Variants in CNST observed in about 807,000 individuals in gnomAD.
The protein encoded by CNST is consortin, connexin sorting protein.
CNST carries 39 observed loss-of-function variants against 72.4 expected under a neutral mutation model. The ratio of observed to expected loss-of-function variants is 0.54; its 90% CI spans 0.42 to 0.70. The LOEUF (loss-of-function observed/expected upper bound fraction) is 0.70, where lower values mean the gene tolerates loss of function less well. Among genes scored for constraint, CNST ranks in the 30% least tolerant of loss-of-function variants. CNST has a pLI of 0.00. For missense variants in CNST, 871 were observed against 868.5 expected (o/e 1.00, Z -0.04); for synonymous variants, 332 against 320.1 (o/e 1.04, Z -0.40).
chr1:246,652,596 G>A (rs1666510345), intron 9 of CNST, among the ~76,000 whole-genome samples: 1 of 152,088 alleles, frequency 6.6e-6, no homozygotes, highest in African/African-American at 2.4e-5. Flanking sequence ...AATGTCATAT[G>A]TTCAGAAAAA....
chr1:246,625,985 G>T (rs1328276389), intron 3 of CNST, among the ~76,000 whole-genome samples: 1 of 151,976 alleles, frequency 6.6e-6, no homozygotes, highest in Non-Finnish European at 1.5e-5. Context: ...ATTTGCCTTT[G>T]GGAGCTCTTT....
At chr1:246,613,478 T>C (rs1663467142) in intron 2 of CNST, among the ~76,000 whole-genome samples, 1 of 151,840 alleles carries the variant, frequency 6.6e-6, no homozygotes, top group East Asian at 1.9e-4. Context: ...TTCTCTCAGA[T>C]TTTTAATTTG....
rs565935834 is a variant in CNST, at chr1:246,583,916, T to C, written c.-51-7596T>C. 3.9e-5 allele frequency among the ~76,000 whole-genome samples: 6 copies of C among 152,224 alleles called. No individual in the cohort carries two copies. In the South Asian group the frequency reaches 1.2e-3, roughly 32 times the overall value. On this transcript the variant is annotated intron_variant, in intron 1 of 10. Transcript: ENST00000366513. The stretch of plus-strand genomic sequence containing the variant: ...AGACAATGAGGATGGCAGAAGAAAA[T>C]ATATGTGAATTTGCCTGTAACTGTA...
intron 8 of CNST, among the ~76,000 whole-genome samples, chr1:246,644,027 C>T (rs1482036921): frequency 6.6e-6 from 1 of 152,164 alleles, no homozygotes; most frequent in Non-Finnish European, 1.5e-5. Context: ...GGCATAGCTG[C>T]TGTCCATCAC....
At chr1:246,648,194 T>G in intron 9 of CNST, 157 bp downstream of exon 9, 1 of 1,411,348 alleles carries the variant, frequency 7.1e-7, no homozygotes, top group African/African-American at 1.4e-5. Flanking sequence ...GTTTTTACAT[T>G]TGTATGTATT....
intron 1 of CNST, among the ~76,000 whole-genome samples, chr1:246,572,776 T>C (rs146345647): frequency 5.9e-5 from 9 of 152,268 alleles, no homozygotes; most frequent in African/African-American, 1.9e-4. Context: ...TTGCCTAGGG[T>C]GGTCTTGAAC....
chr1:246,577,971 G>A, intron 1 of CNST, among the ~76,000 whole-genome samples: 1 of 151,094 alleles, frequency 6.6e-6, no homozygotes. Context: ...AATACTTGTG[G>A]TTTTTTTGTT....
chr1:246,664,869 T>G (rs1667323585), intron 10 of CNST, among the ~76,000 whole-genome samples: 1 of 152,240 alleles, frequency 6.6e-6, no homozygotes, highest in African/African-American at 2.4e-5. Flanking sequence ...TTGGTCTTTT[T>G]GAAATTAAAA....
intron 1 of CNST, among the ~76,000 whole-genome samples, chr1:246,582,968 G>A (rs1018614066): frequency 4.6e-5 from 7 of 152,202 alleles, no homozygotes; most frequent in South Asian, 2.1e-4. Flanking sequence ...TCTGAGAAAC[G>A]CAGGGACCTC....
chr1:246,639,236 G>T (rs1010097288), intron 6 of CNST, among the ~76,000 whole-genome samples: 11 of 152,112 alleles, frequency 7.2e-5, no homozygotes, highest in African/African-American at 2.7e-4. Context: ...GTGAGAACGG[G>T]GGCTGAGATG....
At chr1:246,600,581 GA>G (rs560777126) in intron 2 of CNST, among the ~76,000 whole-genome samples, 2 of 152,026 alleles carry the variant, frequency 1.3e-5, no homozygotes, top group South Asian at 4.1e-4. Context: ...AATTAGATAT[GA>G]AAAAAAGAGT....
intron 9 of CNST, among the ~76,000 whole-genome samples, chr1:246,659,342 C>CACA (rs1666941720): frequency 6.6e-6 from 1 of 152,192 alleles, no homozygotes; most frequent in African/African-American, 2.4e-5. Context: ...CACCTGTAAT[C>CACA]CCAGCACTTT....
intron 2 of CNST, among the ~76,000 whole-genome samples, chr1:246,615,464 T>C (rs917769506): frequency 1.3e-4 from 20 of 150,428 alleles, no homozygotes; most frequent in Admixed American, 9.3e-4. Flanking sequence ...CGTGAGCCAC[T>C]GTGCCCGGCC....
chr1:246,622,767 A>T (rs1664175433), intron 3 of CNST, among the ~76,000 whole-genome samples: 1 of 152,030 alleles, frequency 6.6e-6, no homozygotes, highest in African/African-American at 2.4e-5. Flanking sequence ...CATAAGAGCT[A>T]ATTCAGAAGA....
Position 246,665,868 on chromosome 1 carries a change from G to A in CNST, c.2141G>A (p.Gly714Glu), listed in dbSNP as rs1667370731. Residue 714 changes from glycine (G) to glutamate (E), a missense_variant, in exon 11 of 11, where the codon GGA becomes GAA. Gly to Glu is a moderately conservative substitution (Grantham distance 98, BLOSUM62 -2). Transcript: ENST00000366513. ...TTCTATTACACTAAGTTACTTCAGG[G>A]AGTGGCAGAACTGAAGCACTGGATC... ...MDFYYTKLLQ[G>E]VAELKHWIYL... 1 of 1,613,836 alleles carries A rather than the reference G, an allele frequency of 6.2e-7. No homozygotes were observed. Among genetic ancestry groups the A allele is most frequent in the African/African-American group, 1.3e-5 (1 of 75,044 alleles).
At chr1:246,605,809 CGTGTCTTCCAGCCGGGGTAG>C (rs1457783361) in intron 2 of CNST, 90 of 43,978 alleles carry the variant, frequency 2.0e-3, no homozygotes, top group African/African-American at 3.9e-3. Context: ...GGCCGGGGTG[CGTGTCTTCCAGCCGGGGTAG>C]GTGTCTTCCG....
Position 246,566,560 on chromosome 1 carries a change from C to T in CNST, c.-155C>T, listed in dbSNP as rs1321055243. On this transcript the variant is annotated 5_prime_UTR_variant, in exon 1 of 11. Coordinates refer to ENST00000366513, the MANE Select transcript of CNST (RefSeq NM_152609.3). ...TCTCCTCCACCGGAGCCAGGGGAGA[C>T]CCGAGCAAGCTCCGTGACAGCACGT... 7.3e-6 allele frequency: 3 copies of T among 410,992 alleles called. No individual in the cohort carries two copies. The highest frequency in any genetic ancestry group is 4.0e-5 in the Admixed American group (1 of 25,078). 25.5% of individuals were successfully genotyped at this position (410,992 alleles called of 1,614,324 possible).
rs550697329 is a variant in CNST, at chr1:246,646,279, C to CAAAAAAAAAAAAAAAA, written c.938-845_938-844insAAAAAAAAAAAAAAAA. Among the ~76,000 whole-genome samples the CAAAAAAAAAAAAAAAA allele has an allele frequency of 4.3e-4, 43 of 99,370 alleles. 1 individual carries two copies. Among genetic ancestry groups the CAAAAAAAAAAAAAAAA allele is most frequent in the African/African-American group, 1.6e-3 (36 of 22,234 alleles). The allele number at this position is 99,370 out of a possible 152,430, so 65.2% of individuals were successfully genotyped here. A position where few individuals can be genotyped will look rare whatever the true frequency, so the allele number is the denominator to read the frequency against. ...TGGGTGACAGAGCGAAACTCCGTCT[C>CAAAAAAAAAAAAAAAA]AAAAAAAAAAAAAAAGTTGCAAGTA... On this transcript the variant is annotated intron_variant, in intron 8 of 10. Transcript: ENST00000366513.
intron 2 of CNST, among the ~76,000 whole-genome samples, chr1:246,612,842 ACC>A (rs1663424309): frequency 6.6e-6 from 1 of 152,080 alleles, no homozygotes; most frequent in African/African-American, 2.4e-5. Flanking sequence ...CCATGATTGT[ACC>A]ACTGCACTCC....
Sources: gnomAD v4.1 joint callset for allele counts (sites outside exome capture counted in the v4.1 genomes callset) on GRCh38, gnomAD v4.1.1 for gene constraint, MANE v1.5 for transcripts, NCBI Gene and HGNC (gene_info 2026-07-23, HGNC 2026-07-21) for gene names.